The following BCL11A variants were observed in gnomAD, a reference collection of about 807,000 sequenced individuals.
BCL11A encodes BCL11 transcription factor A, also known as B cell CLL/lymphoma 11A.
Under a neutral mutation model 55.9 loss-of-function variants are expected in BCL11A, and 2 were observed. The ratio of observed to expected loss-of-function variants is 0.04; its 90% CI spans 0.01 to 0.11. The LOEUF is 0.11. Ranked by LOEUF, BCL11A falls within the 10% of genes least tolerant of loss-of-function variation. BCL11A has a pLI of 1.00. For missense variants in BCL11A, 817 were observed against 1,137.1 expected (o/e 0.72, Z 4.05); for synonymous variants, 465 against 473.4 (o/e 0.98, Z 0.23).
chr2:60,497,371 T>A (rs1016913794), intron 2 of BCL11A, among the ~76,000 whole-genome samples: 1 of 152,200 alleles, frequency 6.6e-6, no homozygotes, highest in African/African-American at 2.4e-5. Flanking sequence ...TAGCTAGTAT[T>A]CAAGCATATA....
intron 2 of BCL11A, among the ~76,000 whole-genome samples, chr2:60,469,817 C>T (rs1284564634): frequency 6.6e-6 from 1 of 152,172 alleles, no homozygotes; most frequent in African/African-American, 2.4e-5. Flanking sequence ...AGCTGTCCAT[C>T]TTGAGACAGA....
intron 2 of BCL11A, among the ~76,000 whole-genome samples, chr2:60,497,933 A>G (rs910229464): frequency 6.6e-6 from 1 of 152,056 alleles, no homozygotes; most frequent in African/African-American, 2.4e-5. Context: ...GCCTGGACCC[A>G]CCGCTTCATT....
At chr2:60,552,838 A>C (rs1309684404) in intron 1 of BCL11A, among the ~76,000 whole-genome samples, 1 of 151,502 alleles carries the variant, frequency 6.6e-6, no homozygotes, top group African/African-American at 2.4e-5. Context: ...CCAGGTTTGC[A>C]TGTGAGTTGT....
At chr2:60,552,376 C>T (rs978276350) in intron 1 of BCL11A, among the ~76,000 whole-genome samples, 1 of 152,132 alleles carries the variant, frequency 6.6e-6, no homozygotes, top group African/African-American at 2.4e-5. Context: ...CTCCCTCTCC[C>T]GCGTGCCCCC....
chr2:60,478,655 T>G (rs915607059), intron 2 of BCL11A, among the ~76,000 whole-genome samples: 1 of 152,190 alleles, frequency 6.6e-6, no homozygotes, highest in African/African-American at 2.4e-5. Flanking sequence ...GCTTCAAAGC[T>G]CTACCAAAAA....
chr2:60,487,157 A>G (rs1678326122), intron 2 of BCL11A, among the ~76,000 whole-genome samples: 1 of 152,228 alleles, frequency 6.6e-6, no homozygotes, highest in Non-Finnish European at 1.5e-5. Flanking sequence ...CTAACCTTTT[A>G]CCCATGTAAT....
chr2:60,494,454 G>A (rs763048322), intron 2 of BCL11A, among the ~76,000 whole-genome samples: 32 of 152,216 alleles, frequency 2.1e-4, no homozygotes, highest in Non-Finnish European at 3.4e-4. Flanking sequence ...TGGGAGTATG[G>A]GGAGAGAAGA....
rs1043521366 is a variant in BCL11A, at chr2:60,457,572, G to A, written c.*2832C>T. 4 of 1,046,046 alleles carry A rather than the reference G, an allele frequency of 3.8e-6. No individual in the cohort carries two copies. The highest frequency in any genetic ancestry group is 1.7e-5 in the African/African-American group (1 of 59,866). 64.8% of individuals were successfully genotyped at this position (1,046,046 alleles called of 1,614,324 possible). ...TTTACAAAAAAGTATTGACTAAAGC[G>A]GGCTTTCTCTTTAATATGCTTTGCA... is the stretch of plus-strand genomic sequence containing the variant. On this transcript the variant is annotated 3_prime_UTR_variant, in exon 4 of 4. Coordinates refer to ENST00000642384, the MANE Select transcript of BCL11A (RefSeq NM_022893.4).
Position 60,460,461 on chromosome 2 carries a change from T to C in BCL11A, c.2451A>G (p.Lys817=). 1 of 1,609,522 alleles carries C rather than the reference T, an allele frequency of 6.2e-7. No homozygotes were observed. Among genetic ancestry groups the C allele is most frequent in the Non-Finnish European group, 8.5e-7 (1 of 1,176,130 alleles). Residue 817 remains lysine (K), a synonymous_variant, in exon 4 of 4, where the codon AAA becomes AAG. Coordinates refer to ENST00000642384, the MANE Select transcript of BCL11A (RefSeq NM_022893.4). ...MPFSVYSTLE[K]HMKKWHSDRV... ...GATCACTGTGCCATTTTTTCATGTG[T>C]TTCTCCAGGGTACTGTACACGCTAA...
At chr2:60,532,903 T>G (rs1157239862) in intron 2 of BCL11A, 2 of 152,212 alleles carry the variant, frequency 1.3e-5, no homozygotes, top group Admixed American at 6.5e-5. Context: ...ACCACCAAAA[T>G]TTAATGGTGA....
Position 60,461,344 on chromosome 2 carries a change from C to G in BCL11A, c.1568G>C (p.Arg523Pro). The G allele has an allele frequency of 6.3e-7, 1 of 1,589,822 alleles. No homozygotes were observed. The change falls in exon 4 of 4, where the codon CGC becomes CCC. Residue 523 changes from arginine to proline, a missense_variant. Physicochemically the swap from Arg to Pro is moderately radical, Grantham distance 103. Transcript: ENST00000642384. ...GCCCCGCGAGCTGTTCTCGTGGTGG[C>G]GCGCCGCCTCCAGGCTCAGCCCGAA... ...YGFGLSLEAA[R>P]HHENSSRGAV... is the part of the protein sequence containing the mutation.
chr2:60,455,656 G>C (rs1006990501), downstream of BCL11A, among the ~76,000 whole-genome samples: 1 of 152,182 alleles, frequency 6.6e-6, no homozygotes, highest in Non-Finnish European at 1.5e-5. Flanking sequence ...AATTCTGTCT[G>C]TCAGGATGCA....
intron 2 of BCL11A, among the ~76,000 whole-genome samples, chr2:60,531,544 T>A (rs1028689956): frequency 1.3e-5 from 2 of 152,116 alleles, no homozygotes; most frequent in African/African-American, 4.8e-5. Context: ...GAAACAAAAA[T>A]AGATTCATAA....
intron 3 of BCL11A, among the ~76,000 whole-genome samples, chr2:60,463,735 T>C (rs1676447864): frequency 6.6e-6 from 1 of 151,686 alleles, no homozygotes; most frequent in Non-Finnish European, 1.5e-5. Flanking sequence ...AACTGCAACA[T>C]TAAAAAGGGC....
intron 2 of BCL11A, among the ~76,000 whole-genome samples, chr2:60,498,747 C>T (rs1026896764): frequency 1.6e-4 from 24 of 152,134 alleles, no homozygotes; most frequent in Admixed American, 1.3e-4. Flanking sequence ...TCTATAGGTC[C>T]AAGTTCGTAC....
intron 2 of BCL11A, among the ~76,000 whole-genome samples, chr2:60,505,473 C>T (rs569446291): frequency 1.3e-5 from 2 of 152,244 alleles, no homozygotes; most frequent in South Asian, 4.1e-4. Context: ...TGGACAAACA[C>T]TGCATCCACA....
chr2:60,532,173 A>G (rs1419510284), intron 2 of BCL11A, among the ~76,000 whole-genome samples: 1 of 152,154 alleles, frequency 6.6e-6, no homozygotes, highest in African/African-American at 2.4e-5. Flanking sequence ...CCCAGTAATC[A>G]CAGAAGTTCT....
Position 60,468,776 on chromosome 2 carries a change from A to T in BCL11A, c.443T>A (p.Ile148Asn), listed in dbSNP as rs1464114181. 7 of 1,609,836 alleles carry T rather than the reference A, an allele frequency of 4.3e-6. No individual in the cohort carries two copies. Among genetic ancestry groups the T allele is most frequent in the Non-Finnish European group, 5.1e-6 (6 of 1,178,982 alleles). The change falls in exon 3 of 4, where the codon ATC (isoleucine) becomes AAC (asparagine). Residue 148 changes from isoleucine (I) to asparagine (N), a missense_variant. Coordinates refer to ENST00000642384, the MANE Select transcript of BCL11A (RefSeq NM_022893.4). ...TTCTGCACTCATCCCAGGCGTGGGG[A>T]TTAGAGCTCCATGTGCAGAACGAGG... ...SSPRSAHGAL[I>N]PTPGMSAEYA...
chr2:60,451,799 A>G (rs757073038), exon 5 of BCL11A: 4 of 230,236 alleles, frequency 1.7e-5, no homozygotes, highest in Non-Finnish European at 3.4e-5. Flanking sequence ...CCAAAAGCAT[A>G]TATTTGAAAA....
Sources: gnomAD v4.1 joint callset for allele counts (sites outside exome capture counted in the v4.1 genomes callset) on GRCh38, gnomAD v4.1.1 for gene constraint, MANE v1.5 for transcripts, NCBI Gene and HGNC (gene_info 2026-07-23, HGNC 2026-07-21) for gene names.